NRK: variants seen among roughly 807,000 people sequenced by gnomAD.
The protein encoded by NRK is Nik related kinase.
A neutral mutation model predicts 125.2 loss-of-function variants in NRK; 67 were observed. That is an observed-to-expected ratio of 0.54 (90% CI 0.44 to 0.66). The LOEUF (loss-of-function observed/expected upper bound fraction) is 0.66. Ranked by LOEUF, NRK falls within the 30% of genes least tolerant of loss-of-function variation. The probability of loss-of-function intolerance (pLI) is 0.00; values close to 1 mark genes in which losing one functional copy is unlikely to be tolerated. For synonymous variants in NRK, 458 were observed against 429.0 expected (o/e 1.07, Z -0.84); for missense variants, 1,224 against 1,192.9 (o/e 1.03, Z -0.38).
intron 2 of NRK, among the ~76,000 whole-genome samples, chrX:105,866,467 A>C (rs1254757765): frequency 8.9e-6 from 1 of 112,127 alleles, no homozygotes; most frequent in Non-Finnish European, 1.9e-5. Context: ...CCAGCACGTA[A>C]GGGACATTTT....
chrX:105,950,833 G>A (rs1468239756), intron 27 of NRK, among the ~76,000 whole-genome samples: 1 of 109,664 alleles, frequency 9.1e-6, no homozygotes, highest in Non-Finnish European at 1.9e-5. Context: ...CAGAGAGAGA[G>A]AGAGAGAGAG....
At chrX:105,827,454 G>C (rs892703933) in intron 1 of NRK, among the ~76,000 whole-genome samples, 53 of 111,430 alleles carry the variant, frequency 4.8e-4, no homozygotes, top group African/African-American at 1.7e-3. Flanking sequence ...TTGGTTCTGT[G>C]GATCAGCTTC....
At chrX:105,825,848 GAATA>G (rs1350219748) in intron 1 of NRK, among the ~76,000 whole-genome samples, 1 of 109,319 alleles carries the variant, frequency 9.1e-6, no homozygotes, top group African/African-American at 3.3e-5. Flanking sequence ...ATTTTCTATT[GAATA>G]AATATTTTCT....
intron 2 of NRK, among the ~76,000 whole-genome samples, chrX:105,875,916 GCT>G (rs2039809932): frequency 1.8e-5 from 2 of 110,824 alleles, no homozygotes; most frequent in Admixed American, 1.9e-4. Flanking sequence ...TTTTCTCCTA[GCT>G]CTGTGATGCT....
chrX:105,909,789 A>G lies in NRK; in HGVS notation c.2148A>G (p.Glu716=), dbSNP rs2040273569. ...CATCATGGAGACCTGAAAAGCTTGAACTCTCGGATTTAGAAGCCCGCAGGC... is the reference window on the plus strand; with the variant it reads ...CATCATGGAGACCTGAAAAGCTTGAGCTCTCGGATTTAGAAGCCCGCAGGC... The part of the protein sequence containing the change: ...AKSSWRPEKL[E]LSDLEARRQR... The change falls in exon 13 of 29, where the codon GAA becomes GAG. Residue 716 remains glutamate (E), a synonymous_variant. Coordinates refer to ENST00000243300, the MANE Select transcript of NRK (RefSeq NM_198465.4). 8.5e-7 allele frequency: 1 copy of G among 1,180,921 alleles called. No individual in the cohort carries two copies. The highest frequency in any genetic ancestry group is 1.8e-5 in the African/African-American group (1 of 56,179).
At chrX:105,876,600 A>G (rs2039818809) in intron 2 of NRK, among the ~76,000 whole-genome samples, 1 of 111,831 alleles carries the variant, frequency 8.9e-6, no homozygotes, top group Non-Finnish European at 1.9e-5. Context: ...GTTAAAGGCA[A>G]TTGTGAGATT....
intron 13 of NRK, among the ~76,000 whole-genome samples, chrX:105,910,693 G>A (rs183189512): frequency 8.9e-4 from 99 of 111,394 alleles, no homozygotes; most frequent in Non-Finnish European, 1.5e-3. Flanking sequence ...TAAGGGGATT[G>A]TAGAGGGTGA....
chrX:105,958,290 TCA>T lies in NRK; in HGVS notation c.*2693_*2694del, dbSNP rs770556797. ...AGATAGTAAAACAGGCAAAGCAGAATCACATGTGCACACACACATACACATGT... is the reference window on the plus strand; with the variant it reads ...AGATAGTAAAACAGGCAAAGCAGAATCATGTGCACACACACATACACATGT... On this transcript the variant is annotated 3_prime_UTR_variant, in exon 29 of 29. Coordinates refer to ENST00000243300, the MANE Select transcript of NRK (RefSeq NM_198465.4). 223 of 112,228 alleles carry T rather than the reference TCA, an allele frequency of 2.0e-3. 3 individuals are homozygous for T. The highest frequency in any genetic ancestry group is 7.0e-3 in the African/African-American group (216 of 30,916). The allele number at this position is 112,228 out of a possible 1,213,427, so 9.2% of individuals were successfully genotyped here. A position where few individuals can be genotyped will look rare whatever the true frequency, so the allele number is the denominator to read the frequency against.
At chrX:105,822,993 C>T in intron 1 of NRK, 91 bp downstream of exon 1, 1 of 835,959 alleles carries the variant, frequency 1.2e-6, no homozygotes, top group African/African-American at 2.0e-5. Context: ...TCAAAACGGG[C>T]TAGACCAGGA....
Position 105,880,188 on chromosome X carries a change from C to T in NRK, c.124-11C>T, listed in dbSNP as rs1406983641. ...CCAGCATTTGATATTTATCACTATC[C>T]TGTATTTCAGGGACTTCATGAGAAG... is the stretch of plus-strand genomic sequence containing the variant. On this transcript the variant is annotated splice_polypyrimidine_tract_variant and intron_variant, in intron 2 of 28. Transcript: ENST00000243300. 3.0e-6 allele frequency: 3 copies of T among 997,194 alleles called. No homozygotes were observed. In the South Asian group the frequency reaches 7.4e-5, roughly 25 times the overall value. 82.2% of individuals were successfully genotyped at this position (997,194 alleles called of 1,213,427 possible). A position where few individuals can be genotyped will look rare whatever the true frequency, so the allele number is the denominator to read the frequency against.
intron 4 of NRK, 41 bp from the exon 5 acceptor site, chrX:105,888,253 T>A (rs2039973064): frequency 8.8e-7 from 1 of 1,136,226 alleles, no homozygotes; most frequent in Middle Eastern, 2.4e-4. Context: ...AGTCATTGAT[T>A]GCACAGTTTA....
chrX:105,886,169 A>T (rs1393000444), intron 4 of NRK, among the ~76,000 whole-genome samples: 1 of 109,805 alleles, frequency 9.1e-6, no homozygotes, highest in Non-Finnish European at 1.9e-5. Context: ...TCTAGACCTG[A>T]CTTGTCCCCT....
intron 2 of NRK, among the ~76,000 whole-genome samples, chrX:105,849,816 T>A (rs2039448081): frequency 8.9e-6 from 1 of 112,259 alleles, no homozygotes; most frequent in Non-Finnish European, 1.9e-5. Context: ...TCCGCCCCTG[T>A]GGCTTTGCAG....
chrX:105,839,502 TG>T (rs2039304327), intron 2 of NRK, among the ~76,000 whole-genome samples: 1 of 111,724 alleles, frequency 9.0e-6, no homozygotes. Context: ...CCTGTGACAT[TG>T]TGATAATGTG....
intron 18 of NRK, among the ~76,000 whole-genome samples, 169 bp from the exon 19 acceptor site, chrX:105,924,526 T>C (rs1241873757): frequency 9.0e-6 from 1 of 111,731 alleles, no homozygotes; most frequent in Non-Finnish European, 1.9e-5. Context: ...TGAGAAGACA[T>C]AGGGGCATTT....
At chrX:105,833,899 C>T (rs1295354313) in intron 2 of NRK, among the ~76,000 whole-genome samples, 4 of 111,463 alleles carry the variant, frequency 3.6e-5, no homozygotes, top group East Asian at 5.6e-4. Context: ...GGCTGTCAGG[C>T]ATTTTGCTTT....
At chrX:105,915,674 G>T (rs2040355914) in intron 14 of NRK, 56 bp from the exon 15 acceptor site, 1 of 606,549 alleles carries the variant, frequency 1.6e-6, no homozygotes, top group Admixed American at 2.6e-5. Flanking sequence ...CAAATTAAGA[G>T]CTCAGTACAA....
intron 2 of NRK, among the ~76,000 whole-genome samples, chrX:105,859,820 A>G (rs1414223436): frequency 9.0e-6 from 1 of 111,727 alleles, no homozygotes; most frequent in African/African-American, 3.3e-5. Context: ...AGGGAGAGAA[A>G]GGGGTGCAGA....
At position 105,908,278 on chromosome X, in the gene NRK, G is replaced by C. The variant is rs373693635; in HGVS notation, c.1060G>C (p.Glu354Gln). Reference protein sequence around the residue: ...LIFEREEAIKEQYTVRRFRGP... With the variant: ...LIFEREEAIKQQYTVRRFRGP... ...CTTTGAAAGAGAAGAAGCTATTAAG[G>C]AACAGTACACCGTGAGAAGATTCAG... is the stretch of plus-strand genomic sequence containing the variant. The change falls in exon 12 of 29, where the codon GAA becomes CAA. Residue 354 changes from glutamate to glutamine, a missense_variant. By Grantham distance (29) the Glu-to-Gln change is conservative. Transcript: ENST00000243300. The C allele has an allele frequency of 9.1e-7, 1 of 1,093,494 alleles. No homozygotes were observed. Among genetic ancestry groups the C allele is most frequent in the African/African-American group, 1.9e-5 (1 of 52,805 alleles). 90.1% of individuals were successfully genotyped at this position (1,093,494 alleles called of 1,213,427 possible).
Sources: gnomAD v4.1 joint callset for allele counts (sites outside exome capture counted in the v4.1 genomes callset) on GRCh38, gnomAD v4.1.1 for gene constraint, MANE v1.5 for transcripts, NCBI Gene and HGNC (gene_info 2026-07-23, HGNC 2026-07-21) for gene names.